Variants in LRP1B observed in about 807,000 individuals in gnomAD.
LRP1B encodes the protein low-density lipoprotein receptor-related protein 1B.
In LRP1B, 217 loss-of-function variants were observed where a neutral mutation model predicts 556.6. The ratio of observed to expected loss-of-function variants is 0.39; its 90% CI spans 0.35 to 0.44. The LOEUF (loss-of-function observed/expected upper bound fraction) is 0.44, where lower values mean the gene tolerates loss of function less well. LRP1B is among the 20% of genes least tolerant of loss of function. The pLI is 1.00. For synonymous variants in LRP1B, 2,047 were observed against 1,865.8 expected (o/e 1.10, Z -2.50); for missense variants, 5,053 against 5,620.8 (o/e 0.90, Z 3.23).
chr2:141,426,987 T>C (rs1204926638), intron 3 of LRP1B, among the ~76,000 whole-genome samples: 3 of 152,204 alleles, frequency 2.0e-5, no homozygotes, highest in Admixed American at 6.5e-5. Flanking sequence ...CAACCTGTCA[T>C]CTACATTAGG....
At chr2:142,099,759 G>C (rs1706506127) in intron 1 of LRP1B, among the ~76,000 whole-genome samples, 1 of 151,798 alleles carries the variant, frequency 6.6e-6, no homozygotes. Flanking sequence ...GTTTGCTCAA[G>C]TGCCTTATTT....
At chr2:140,360,179 G>T (rs1471601818) in intron 72 of LRP1B, among the ~76,000 whole-genome samples, 1 of 151,478 alleles carries the variant, frequency 6.6e-6, no homozygotes, top group East Asian at 1.9e-4. Flanking sequence ...AAGATATTTT[G>T]AATGGCCTAA....
intron 1 of LRP1B, among the ~76,000 whole-genome samples, chr2:141,835,743 GATTT>G (rs1697255049): frequency 6.6e-6 from 1 of 151,718 alleles, no homozygotes. Flanking sequence ...AGAAAGCTGA[GATTT>G]ATTAATTCAA....
At chr2:140,360,812 A>T (rs1682468448) in intron 72 of LRP1B, among the ~76,000 whole-genome samples, 1 of 151,560 alleles carries the variant, frequency 6.6e-6, no homozygotes, top group African/African-American at 2.4e-5. Context: ...TCTATTTTTG[A>T]TTCACAGTGG....
intron 3 of LRP1B, among the ~76,000 whole-genome samples, chr2:141,464,601 TA>T (rs1559084767): frequency 4.9e-5 from 5 of 102,066 alleles, no homozygotes; most frequent in Non-Finnish European, 4.1e-5. Flanking sequence ...TATATATATA[TA>T]TATATTTTTT....
chr2:141,291,421 T>C (rs1685943115), intron 3 of LRP1B, among the ~76,000 whole-genome samples: 1 of 152,210 alleles, frequency 6.6e-6, no homozygotes, highest in Admixed American at 6.5e-5. Flanking sequence ...CTTTAAAATT[T>C]AGAAAATTTC....
chr2:141,066,309 C>A (rs1177577246), intron 7 of LRP1B, among the ~76,000 whole-genome samples: 1 of 152,062 alleles, frequency 6.6e-6, no homozygotes, highest in African/African-American at 2.4e-5. Context: ...ATTATATGAG[C>A]AGCCCCGTTT....
intron 32 of LRP1B, among the ~76,000 whole-genome samples, chr2:140,810,559 G>A (rs1690882781): frequency 7.0e-6 from 1 of 143,422 alleles, no homozygotes; most frequent in African/African-American, 2.5e-5. Context: ...AAGGGGTGGA[G>A]GTTTTGAAAG....
intron 1 of LRP1B, among the ~76,000 whole-genome samples, chr2:142,034,909 T>C (rs1419187409): frequency 6.6e-6 from 1 of 151,742 alleles, no homozygotes; most frequent in African/African-American, 2.4e-5. Flanking sequence ...TACAACACGT[T>C]TGTAAAGTTA....
intron 66 of LRP1B, among the ~76,000 whole-genome samples, chr2:140,435,207 G>C (rs1043768369): frequency 2.0e-5 from 3 of 151,936 alleles, no homozygotes; most frequent in South Asian, 2.1e-4. Context: ...GGCCAAAAGA[G>C]GTAGAACTTT....
intron 3 of LRP1B, among the ~76,000 whole-genome samples, chr2:141,358,404 CTG>C (rs1229597813): frequency 6.6e-6 from 1 of 152,100 alleles, no homozygotes; most frequent in African/African-American, 2.4e-5. Context: ...TCAGGTTTGA[CTG>C]TGAAGGGTCA....
chr2:141,116,024 C>CAA (rs1700890091), intron 7 of LRP1B, among the ~76,000 whole-genome samples: 1 of 152,016 alleles, frequency 6.6e-6, no homozygotes, highest in African/African-American at 2.4e-5. Flanking sequence ...AAAGCAATTT[C>CAA]ATTATAAATA....
At chr2:140,559,210 T>C (rs1267868321) in intron 43 of LRP1B, among the ~76,000 whole-genome samples, 2 of 152,114 alleles carry the variant, frequency 1.3e-5, no homozygotes, top group Admixed American at 1.3e-4. Flanking sequence ...TTAACTGTTT[T>C]TTTTTAACAA....
At chr2:140,431,764 A>T (rs1416272106) in intron 66 of LRP1B, among the ~76,000 whole-genome samples, 1 of 152,086 alleles carries the variant, frequency 6.6e-6, no homozygotes, top group Non-Finnish European at 1.5e-5. Flanking sequence ...ATAATTCTAA[A>T]TGACAAATGT....
intron 71 of LRP1B, among the ~76,000 whole-genome samples, chr2:140,365,014 T>C (rs1682692978): frequency 6.6e-6 from 1 of 151,604 alleles, no homozygotes; most frequent in Non-Finnish European, 1.5e-5. Context: ...TATATGTCTA[T>C]TTTTTAGAAA....
intron 7 of LRP1B, among the ~76,000 whole-genome samples, chr2:141,126,017 A>G (rs1295646685): frequency 6.8e-6 from 1 of 147,068 alleles, no homozygotes; most frequent in Non-Finnish European, 1.5e-5. Context: ...CTCTCAATTG[A>G]TAGCTACTTT....
chr2:141,293,616 C>A (rs1686063138), intron 3 of LRP1B, among the ~76,000 whole-genome samples: 1 of 149,856 alleles, frequency 6.7e-6, no homozygotes. Context: ...TGCCAAAGAT[C>A]ACTACATTCT....
intron 57 of LRP1B, among the ~76,000 whole-genome samples, chr2:140,491,872 G>T (rs1688715577): frequency 6.6e-6 from 1 of 152,104 alleles, no homozygotes; most frequent in Admixed American, 6.6e-5. Flanking sequence ...CAGAACAAGG[G>T]TGTAAACCTC....
At chr2:140,877,401 A>G (rs1313147190) in intron 25 of LRP1B, among the ~76,000 whole-genome samples, 4 of 152,192 alleles carry the variant, frequency 2.6e-5, no homozygotes, top group Non-Finnish European at 4.4e-5. Context: ...GGAATAAAAC[A>G]TCATAGCCAT....
Sources: gnomAD v4.1 joint callset for allele counts (sites outside exome capture counted in the v4.1 genomes callset) on GRCh38, gnomAD v4.1.1 for gene constraint, MANE v1.5 for transcripts, NCBI Gene and HGNC (gene_info 2026-07-23, HGNC 2026-07-21) for gene names.